Variants in CAPZA2 observed in about 807,000 individuals in gnomAD.
CAPZA2 encodes capping actin protein of muscle Z-line subunit alpha 2.
CAPZA2 carries 13 observed loss-of-function variants against 44.0 expected under a neutral mutation model. That is an observed-to-expected ratio of 0.30 (90% confidence interval 0.19 to 0.47). CAPZA2 has a LOEUF of 0.47. Among genes scored for constraint, CAPZA2 ranks in the 20% least tolerant of loss-of-function variants. CAPZA2 has a pLI of 1.00. For missense variants in CAPZA2, 244 were observed against 338.6 expected, an observed-to-expected ratio of 0.72 and a Z score of 2.19; for synonymous variants, 94 against 108.2, an observed-to-expected ratio of 0.87 and a Z score of 0.81.
chr7:116,888,127 G>A lies in CAPZA2; in HGVS notation c.40G>A (p.Val14Met), dbSNP rs767663062. The change falls in exon 2 of 10, where the codon GTG (valine) becomes ATG (methionine). Residue 14 changes from valine (V) to methionine (M), a missense_variant and splice_region_variant. Coordinates refer to ENST00000361183, the MANE Select transcript of CAPZA2 (RefSeq NM_006136.3). ...ATTTATATCTTTCTTTCTGTTTCAGGTGCGTATAGCAGCAAAATTCATCAT... is the reference window on the plus strand; with the variant it reads ...ATTTATATCTTTCTTTCTGTTTCAGATGCGTATAGCAGCAAAATTCATCAT... ...LEEQLSDEEK[V>M]RIAAKFIIHA... 2.5e-6 allele frequency: 4 copies of A among 1,606,514 alleles called. No homozygotes were observed. Among genetic ancestry groups the A allele is most frequent in the South Asian group, 2.2e-5 (2 of 90,598 alleles).
At chr7:116,893,816 A>G (rs1243094818) in intron 3 of CAPZA2, among the ~76,000 whole-genome samples, 4 of 152,202 alleles carry the variant, frequency 2.6e-5, no homozygotes, top group African/African-American at 7.2e-5. Context: ...GAAGTAGGCA[A>G]TTCTAAATCT....
intron 1 of CAPZA2, among the ~76,000 whole-genome samples, chr7:116,872,562 A>G (rs923990279): frequency 6.6e-6 from 1 of 152,214 alleles, no homozygotes; most frequent in Admixed American, 6.5e-5. Context: ...AGATAAATTC[A>G]CCTGACACAC....
At chr7:116,912,338 T>C (rs746243775) in intron 8 of CAPZA2, among the ~76,000 whole-genome samples, 198 bp downstream of exon 8, 12 of 152,208 alleles carry the variant, frequency 7.9e-5, no homozygotes, top group Non-Finnish European at 1.2e-4. Flanking sequence ...GTTCATTCAT[T>C]TAAAATATAA....
rs550997001 is a variant in CAPZA2, at chr7:116,917,399, C to G, written c.721-328C>G. 5.3e-5 allele frequency among the ~76,000 whole-genome samples: 8 copies of G among 152,270 alleles called. No homozygotes were observed. The East Asian group carries it at 9.6e-4, about 18-fold the overall frequency. On this transcript the variant is annotated intron_variant, in intron 9 of 9. Transcript: ENST00000361183. ...CTTCCCGAGTAGCCGGGACTACAGA[C>G]GCCCGCCACCATGCCCGACTAATTT...
At position 116,920,024 on chromosome 7, in the gene CAPZA2, C is replaced by T. The variant is rs1388877487; in HGVS notation, c.*2157C>T. 1.3e-5 allele frequency: 2 copies of T among 151,690 alleles called. No individual in the cohort carries two copies. Among genetic ancestry groups the T allele is most frequent in the Non-Finnish European group, 2.9e-5 (2 of 67,964 alleles). 9.4% of individuals were successfully genotyped at this position (151,690 alleles called of 1,614,324 possible). ...CTTTGGGAGGCCGAGGCGGGTGGAT[C>T]ACGAGGTCAGGAGTTCGAGACCAGC... On this transcript the variant is annotated 3_prime_UTR_variant, in exon 10 of 10. Coordinates refer to ENST00000361183, the MANE Select transcript of CAPZA2 (RefSeq NM_006136.3).
rs779406389 is a variant in CAPZA2 at position 116,904,428 on chromosome 7, T to C, written c.426+45T>C. 6.7e-6 allele frequency: 8 copies of C among 1,194,792 alleles called. No individual in the cohort carries two copies. The African/African-American group carries it at 1.2e-4, about 18-fold the overall frequency. The allele number at this position is 1,194,792 out of a possible 1,614,324, so 74.0% of individuals were successfully genotyped here. On this transcript the variant is annotated intron_variant, in intron 5 of 9. Coordinates refer to ENST00000361183, the MANE Select transcript of CAPZA2 (RefSeq NM_006136.3). ...TTTGTGTGTGTGTTTTGTGTAAATGTGAGTCTTTAGCGTCTCTTAAAATTT... is the reference window on the plus strand; with the variant it reads ...TTTGTGTGTGTGTTTTGTGTAAATGCGAGTCTTTAGCGTCTCTTAAAATTT...
chr7:116,880,999 A>C (rs1382835437), intron 1 of CAPZA2, among the ~76,000 whole-genome samples: 1 of 151,934 alleles, frequency 6.6e-6, no homozygotes, highest in Non-Finnish European at 1.5e-5. Context: ...GTGATCCACC[A>C]CAGTGACCAT....
intron 1 of CAPZA2, among the ~76,000 whole-genome samples, chr7:116,880,587 G>GT (rs987379584): frequency 6.7e-6 from 1 of 150,156 alleles, no homozygotes; most frequent in Non-Finnish European, 1.5e-5. Flanking sequence ...AGTAGAAACG[G>GT]TTTTTTACCG....
chr7:116,865,177 C>CTTTTTTTTTTTT (rs1011886318), intron 1 of CAPZA2, among the ~76,000 whole-genome samples: 1 of 87,990 alleles, frequency 1.1e-5, no homozygotes, highest in Non-Finnish European at 2.2e-5. Context: ...GCGCTCTCTT[C>CTTTTTTTTTTTT]TTTTTTTTTT....
intron 4 of CAPZA2, among the ~76,000 whole-genome samples, chr7:116,903,400 T>A (rs1797021527): frequency 6.6e-6 from 1 of 152,126 alleles, no homozygotes; most frequent in South Asian, 2.1e-4. Context: ...TATAGACATG[T>A]GTATATCTTT....
chr7:116,907,379 C>T (rs1791532147), intron 6 of CAPZA2, among the ~76,000 whole-genome samples: 1 of 152,126 alleles, frequency 6.6e-6, no homozygotes, highest in Non-Finnish European at 1.5e-5. Context: ...TGTAGTTTCT[C>T]TGTGTTGGGT....
chr7:116,871,840 CTTTG>C (rs1796557442), intron 1 of CAPZA2, among the ~76,000 whole-genome samples: 1 of 152,222 alleles, frequency 6.6e-6, no homozygotes, highest in Non-Finnish European at 1.5e-5. Context: ...TCTTCACCAT[CTTTG>C]TAATTCCAGT....
At chr7:116,895,543 G>T (rs568658399) in intron 3 of CAPZA2, among the ~76,000 whole-genome samples, 2 of 152,070 alleles carry the variant, frequency 1.3e-5, no homozygotes, top group East Asian at 1.9e-4. Context: ...AGTATTTGAG[G>T]ACATCGGTAA....
At chr7:116,892,183 T>C (rs552372850) in intron 2 of CAPZA2, among the ~76,000 whole-genome samples, 1 of 152,316 alleles carries the variant, frequency 6.6e-6, no homozygotes, top group African/African-American at 2.4e-5. Flanking sequence ...ATTATAGTCT[T>C]TTTACATTTA....
intron 1 of CAPZA2, among the ~76,000 whole-genome samples, chr7:116,881,791 ACCCCCG>A (rs1211560133): frequency 1.4e-5 from 2 of 140,460 alleles, no homozygotes; most frequent in Non-Finnish European, 3.1e-5. Context: ...CTTCCCCTCC[ACCCCCG>A]CCCTGGTCCA....
intron 3 of CAPZA2, among the ~76,000 whole-genome samples, chr7:116,898,142 A>G (rs889556221): frequency 6.6e-6 from 1 of 152,074 alleles, no homozygotes; most frequent in Non-Finnish European, 1.5e-5. Context: ...TTTTCTGCCC[A>G]TCCCTCCAAT....
At chr7:116,912,237 T>A in intron 8 of CAPZA2, 97 bp downstream of exon 8, 1 of 1,523,242 alleles carries the variant, frequency 6.6e-7, no homozygotes, top group South Asian at 1.2e-5. Context: ...CTGCTTCAGA[T>A]TACCGTGTTT....
chr7:116,904,228 A>C lies in CAPZA2; in HGVS notation c.271A>C (p.Lys91Gln), dbSNP rs1327245411. The change falls in exon 5 of 10, where the codon AAG becomes CAG. Residue 91 changes from lysine (K) to glutamine (Q), a missense_variant. Lys to Gln is a moderately conservative substitution (Grantham distance 53). Coordinates refer to ENST00000361183, the MANE Select transcript of CAPZA2 (RefSeq NM_006136.3). ...GGGAAATGGAAAGTTTTTGGATCCA[A>C]AGAACAGAATCTGTTTTAAATTTGA... ...DLGNGKFLDPKNRICFKFDHL... is the reference protein window; with the variant it reads ...DLGNGKFLDPQNRICFKFDHL... The C allele has an allele frequency of 9.9e-6, 16 of 1,613,850 alleles. No individual in the cohort carries two copies. The highest frequency in any genetic ancestry group is 1.4e-5 in the Non-Finnish European group (16 of 1,179,878).
intron 1 of CAPZA2, among the ~76,000 whole-genome samples, chr7:116,886,962 C>A (rs531775336): frequency 6.6e-6 from 1 of 152,160 alleles, no homozygotes; most frequent in Non-Finnish European, 1.5e-5. Context: ...TAAAATATGC[C>A]TGTTAGCACA....
Sources: allele counts gnomAD v4.1 joint callset (sites outside exome capture counted in the v4.1 genomes callset), GRCh38; gene constraint gnomAD v4.1.1; transcripts MANE v1.5; gene names NCBI Gene and HGNC (gene_info 2026-07-23, HGNC 2026-07-21).